ANKMY2: variants seen among roughly 807,000 people sequenced by gnomAD.
The protein encoded by ANKMY2 is ankyrin repeat and MYND domain containing 2, also known as ankyrin repeat and MYND domain-containing protein 2.
Under a neutral mutation model 50.4 loss-of-function variants are expected in ANKMY2, and 36 were observed. That is an observed-to-expected ratio of 0.71 (90% confidence interval 0.55 to 0.94). ANKMY2 has a LOEUF of 0.94. ANKMY2 is among the 40% of genes least tolerant of loss of function. The probability of loss-of-function intolerance (pLI) is 0.00; values close to 1 mark genes in which losing one functional copy is unlikely to be tolerated. For synonymous variants in ANKMY2, 187 were observed against 178.8 expected, an observed-to-expected ratio of 1.05 and a Z score of -0.36; for missense variants, 565 against 524.0, an observed-to-expected ratio of 1.08 and a Z score of -0.76.
intron 1 of ANKMY2, among the ~76,000 whole-genome samples, chr7:16,643,705 A>G (rs1350021333): frequency 6.6e-6 from 1 of 151,834 alleles, no homozygotes; most frequent in African/African-American, 2.4e-5. Flanking sequence ...AAAACTGCTC[A>G]CTATTTTTCA....
intron 7 of ANKMY2, among the ~76,000 whole-genome samples, chr7:16,607,494 G>C (rs1167414873): frequency 6.6e-6 from 1 of 152,038 alleles, no homozygotes; most frequent in African/African-American, 2.4e-5. Context: ...CTTGAACCCG[G>C]AAGACTGAGG....
chr7:16,616,013 C>T, intron 4 of ANKMY2, 109 bp from the exon 5 acceptor site: 2 of 1,037,896 alleles, frequency 1.9e-6, no homozygotes, highest in Non-Finnish European at 2.7e-6. Flanking sequence ...GCACCAATAT[C>T]TTTATTTTTC....
chr7:16,610,495 T>TA (rs1189343117), intron 6 of ANKMY2, 54 bp downstream of exon 6: 52 of 1,427,504 alleles, frequency 3.6e-5, no homozygotes, highest in African/African-American at 7.2e-5. Context: ...GGCTTCATAT[T>TA]AAAAAAAATA....
chr7:16,631,633 G>C (rs75436613), intron 2 of ANKMY2, among the ~76,000 whole-genome samples: 1 of 106,504 alleles, frequency 9.4e-6, no homozygotes, highest in African/African-American at 3.6e-5. Flanking sequence ...TTTTTTTTTT[G>C]AGACAGAGTC....
At chr7:16,639,815 C>G (rs1385751992) in intron 1 of ANKMY2, among the ~76,000 whole-genome samples, 1 of 152,126 alleles carries the variant, frequency 6.6e-6, no homozygotes, top group African/African-American at 2.4e-5. Context: ...TTACTGCTCT[C>G]TCTTCTACTA....
rs1016460479 is a variant in ANKMY2 at position 16,638,390 on chromosome 7, C to T, written c.68-1935G>A. On this transcript the variant is annotated intron_variant, in intron 1 of 9. Coordinates refer to ENST00000306999, the MANE Select transcript of ANKMY2 (RefSeq NM_020319.3). ...GCTCACAGAACTCAGGGAAACACTACTTACATTTACCCATCAATTACAAAT... is the reference window on the plus strand; with the variant it reads ...GCTCACAGAACTCAGGGAAACACTATTTACATTTACCCATCAATTACAAAT... Among the ~76,000 whole-genome samples, 5 of 152,282 alleles carry T rather than the reference C, an allele frequency of 3.3e-5. No individual in the cohort carries two copies. The East Asian group carries it at 5.8e-4, about 18-fold the overall frequency.
intron 4 of ANKMY2, among the ~76,000 whole-genome samples, chr7:16,621,667 T>C (rs553715221): frequency 6.6e-6 from 1 of 151,938 alleles, no homozygotes; most frequent in Admixed American, 6.6e-5. Context: ...AAAGAAAAAA[T>C]ATGACTACTT....
chr7:16,625,436 C>G (rs1781494759), intron 3 of ANKMY2, among the ~76,000 whole-genome samples: 1 of 152,040 alleles, frequency 6.6e-6, no homozygotes, highest in Admixed American at 6.6e-5. Flanking sequence ...AATAGGATTC[C>G]CCTTTAATAT....
intron 2 of ANKMY2, among the ~76,000 whole-genome samples, chr7:16,632,818 G>A (rs1049550249): frequency 6.6e-6 from 1 of 152,152 alleles, no homozygotes; most frequent in Non-Finnish European, 1.5e-5. Context: ...ATCATGTGAG[G>A]AACTGCGAGA....
intron 4 of ANKMY2, among the ~76,000 whole-genome samples, chr7:16,622,134 T>C (rs1781445084): frequency 6.6e-6 from 1 of 151,904 alleles, no homozygotes. Flanking sequence ...AGAGGAGGAC[T>C]GGCATAAAAT....
intron 2 of ANKMY2, among the ~76,000 whole-genome samples, chr7:16,631,132 T>C (rs1401309026): frequency 6.6e-6 from 1 of 152,140 alleles, no homozygotes; most frequent in African/African-American, 2.4e-5. Context: ...CAAAGGTTAT[T>C]ACATTTTATA....
intron 1 of ANKMY2, among the ~76,000 whole-genome samples, chr7:16,642,280 A>G (rs1016827549): frequency 2.0e-5 from 3 of 152,224 alleles, no homozygotes; most frequent in African/African-American, 7.2e-5. Context: ...TTAATGAAAA[A>G]GGTATCAAAG....
intron 4 of ANKMY2, 37 bp downstream of exon 4, chr7:16,624,945 TG>T: frequency 6.4e-7 from 1 of 1,555,394 alleles, no homozygotes; most frequent in Non-Finnish European, 8.8e-7. Context: ...AGGGAAATTT[TG>T]GGTATAATCT....
intron 9 of ANKMY2, 106 bp downstream of exon 9, chr7:16,602,274 T>G: frequency 7.3e-7 from 1 of 1,370,396 alleles, no homozygotes; most frequent in Non-Finnish European, 9.9e-7. Flanking sequence ...CGGTCACTCC[T>G]GAGCTCCTAT....
chr7:16,616,440 G>A (rs922172694), intron 4 of ANKMY2, among the ~76,000 whole-genome samples: 1 of 150,268 alleles, frequency 6.7e-6, no homozygotes, highest in African/African-American at 2.5e-5. Context: ...GCTCCCATAA[G>A]CTTGGAATCC....
intron 2 of ANKMY2, among the ~76,000 whole-genome samples, chr7:16,632,716 T>C (rs1438548842): frequency 5.3e-5 from 8 of 152,240 alleles, no homozygotes; most frequent in Non-Finnish European, 1.0e-4. Context: ...TAAACATGCA[T>C]TTGCATATGC....
At chr7:16,603,898 G>A (rs1044228192) in intron 8 of ANKMY2, among the ~76,000 whole-genome samples, 39 of 152,222 alleles carry the variant, frequency 2.6e-4, no homozygotes, top group African/African-American at 7.2e-5. Flanking sequence ...ACAACTGTGA[G>A]AGAAAGACTA....
rs1781489846 is a variant in ANKMY2 at position 16,624,975 on chromosome 7, A to G, written c.370+8T>C. On this transcript the variant is annotated splice_region_variant and intron_variant, in intron 4 of 9. Transcript: ENST00000306999. ...ATAATCTAATGCAAAACTGCAGCAA[A>G]ATCTCACCCACAAAGGCTGCCATCT... 1.2e-6 allele frequency: 2 copies of G among 1,612,644 alleles called. No homozygotes were observed. Among genetic ancestry groups the G allele is most frequent in the African/African-American group, 2.7e-5 (2 of 74,952 alleles).
rs1186154091 is a variant in ANKMY2, at chr7:16,627,151, C to G, written c.160G>C (p.Ala54Pro). 6.2e-7 allele frequency: 1 copy of G among 1,602,070 alleles called. No homozygotes were observed. Among genetic ancestry groups the G allele is most frequent in the Non-Finnish European group, 8.5e-7 (1 of 1,171,850 alleles). ...ENGMTPLMHA[A>P]YKGKLDMCKL... is the part of the protein sequence containing the mutation. ...CACATATCGAGTTTTCCTTTATATG[C>G]TGCATGCATTAGAGGAGTCATTCCA... Residue 54 changes from alanine (A) to proline (P), a missense_variant, in exon 3 of 10, where the codon GCA becomes CCA. Ala to Pro is a conservative substitution (Grantham distance 27). Coordinates refer to ENST00000306999, the MANE Select transcript of ANKMY2 (RefSeq NM_020319.3).
Sources: allele counts gnomAD v4.1 joint callset (sites outside exome capture counted in the v4.1 genomes callset), GRCh38; gene constraint gnomAD v4.1.1; transcripts MANE v1.5; gene names NCBI Gene and HGNC (gene_info 2026-07-23, HGNC 2026-07-21).